The following KIF5B variants were observed in gnomAD, a reference collection of about 807,000 sequenced individuals.
KIF5B encodes the protein kinesin-1 heavy chain.
In KIF5B, 49 loss-of-function variants were observed where a neutral mutation model predicts 132.8. The observed-to-expected ratio is 0.37, with a 90% CI of 0.29 to 0.47. KIF5B has a LOEUF of 0.47. Among genes scored for constraint, KIF5B ranks in the 20% least tolerant of loss-of-function variants. The probability of loss-of-function intolerance (pLI) is 1.00; values close to 1 mark genes in which losing one functional copy is unlikely to be tolerated. For missense variants in KIF5B, 780 were observed against 1,144.0 expected (o/e 0.68, Z 4.59); for synonymous variants, 355 against 369.4 (o/e 0.96, Z 0.45).
intron 2 of KIF5B, among the ~76,000 whole-genome samples, chr10:32,046,005 C>T (rs1841603432): frequency 6.6e-6 from 1 of 152,062 alleles, no homozygotes; most frequent in Non-Finnish European, 1.5e-5. Context: ...AACTTCAAAA[C>T]CTTTGACACT....
At chr10:32,025,685 A>C (rs1028055483) in intron 15 of KIF5B, among the ~76,000 whole-genome samples, 28 of 152,214 alleles carry the variant, frequency 1.8e-4, no homozygotes, top group Admixed American at 2.6e-4. Context: ...CTACACATGA[A>C]TGTTTATAGC....
chr10:32,032,711 C>T lies in KIF5B; in HGVS notation c.1369G>A (p.Glu457Lys). The T allele has an allele frequency of 6.2e-7, 1 of 1,613,174 alleles. No homozygotes were observed. Among genetic ancestry groups the T allele is most frequent in the Non-Finnish European group, 8.5e-7 (1 of 1,179,146 alleles). ...GTAAAAGGTATTCAACTCACCTCCT[C>T]CTGATCCAACATTTGCGTCTTCAGT... The part of the protein sequence containing the change: ...EKLKTQMLDQ[E>K]ELLASTRRDQ... Residue 457 changes from glutamate (E) to lysine (K), a missense_variant, in exon 13 of 26, where the codon GAG (glutamate) becomes AAG (lysine). Around this residue, in one of 9 missense-constraint regions of KIF5B, gnomAD observed 471 missense variants for 569.9 expected, o/e 0.83. Transcript: ENST00000302418.
chr10:32,033,595 C>T (rs1841427212), intron 12 of KIF5B, among the ~76,000 whole-genome samples: 2 of 152,090 alleles, frequency 1.3e-5, no homozygotes, highest in South Asian at 4.2e-4. Flanking sequence ...GGACTGCTGC[C>T]TTATAAAGTT....
In KIF5B at chr10:32,040,368, G is replaced by A. The variant is rs1205607944; in HGVS notation, c.288+16C>T. The A allele has an allele frequency of 1.3e-6, 2 of 1,500,118 alleles. No individual in the cohort carries two copies. The highest frequency in any genetic ancestry group is 1.1e-5 in the South Asian group (1 of 88,686). 92.9% of individuals were successfully genotyped at this position (1,500,118 alleles called of 1,614,324 possible). A position where few individuals can be genotyped will look rare whatever the true frequency, so the allele number is the denominator to read the frequency against. The stretch of plus-strand genomic sequence containing the variant: ...GTATTGCAAACCACATCTAAGTACA[G>A]ATTATAAAACGTTACCTCCATTGTG... On this transcript the variant is annotated intron_variant, in intron 3 of 25. Transcript: ENST00000302418.
At chr10:32,016,441 A>G (rs1841165295) in intron 24 of KIF5B, among the ~76,000 whole-genome samples, 1 of 152,086 alleles carries the variant, frequency 6.6e-6, no homozygotes, top group South Asian at 2.1e-4. Flanking sequence ...GTGCAACAAG[A>G]GTGAAACTCC....
At position 32,022,177 on chromosome 10, in the gene KIF5B, A is replaced by G. The variant is rs1032104057; in HGVS notation, c.1995T>C (p.Asp665=). The part of the protein sequence containing the change: ...QKKRQLEESV[D]ALSEELVQLR... ...GCTGGACTAGTTCTTCACTGAGGGC[A>G]TCGACAGATTCCTCCAACTGTCTTT... Residue 665 remains aspartate, a synonymous_variant, in exon 17 of 26, where the codon GAT becomes GAC. Coordinates refer to ENST00000302418, the MANE Select transcript of KIF5B (RefSeq NM_004521.3). 2 of 1,612,240 alleles carry G rather than the reference A, an allele frequency of 1.2e-6. No homozygotes were observed. Among genetic ancestry groups the G allele is most frequent in the African/African-American group, 1.3e-5 (1 of 74,902 alleles).
Position 32,037,237 on chromosome 10 carries a change from A to T in KIF5B, c.711+17T>A. 1 of 1,602,308 alleles carries T rather than the reference A, an allele frequency of 6.2e-7. No homozygotes were observed. The highest frequency in any genetic ancestry group is 8.5e-7 in the Non-Finnish European group (1 of 1,176,480). On this transcript the variant is annotated intron_variant, in intron 8 of 25. Coordinates refer to ENST00000302418, the MANE Select transcript of KIF5B (RefSeq NM_004521.3). ...CAAAGATGCTTAAATATTTGTCAAA[A>T]TACATGAAGACTTTACCTTTTCACT...
At chr10:32,044,681 TA>T (rs879367290) in intron 2 of KIF5B, among the ~76,000 whole-genome samples, 414 of 141,612 alleles carry the variant, frequency 2.9e-3, no homozygotes, top group Admixed American at 3.0e-3. Flanking sequence ...CGTCTCAATT[TA>T]AAAAAAAAAA....
chr10:32,015,516 T>A lies in KIF5B; in HGVS notation c.*13A>T. 6.3e-7 allele frequency: 1 copy of A among 1,578,966 alleles called. No individual in the cohort carries two copies. Among genetic ancestry groups the A allele is most frequent in the East Asian group, 2.3e-5 (1 of 43,280 alleles). On this transcript the variant is annotated 3_prime_UTR_variant, in exon 25 of 26. Coordinates refer to ENST00000302418, the MANE Select transcript of KIF5B (RefSeq NM_004521.3). The stretch of plus-strand genomic sequence containing the variant: ...CAGATATAAATAACAAACCTGTGGG[T>A]ATGTATAAACGATTACACTTGTTTG...
At position 32,021,336 on chromosome 10, in the gene KIF5B, C is replaced by T. The variant is rs201941102; in HGVS notation, c.2033-49G>A. 1.7e-5 allele frequency: 23 copies of T among 1,358,716 alleles called. No individual in the cohort carries two copies. The East Asian group carries it at 4.6e-4, about 27-fold the overall frequency. The allele number at this position is 1,358,716 out of a possible 1,614,324, so 84.2% of individuals were successfully genotyped here. ...AAGAGTGAAATAAGCCTTTAAGGTT[C>T]CTCATATAAACCAAGGAGCAAATGG... On this transcript the variant is annotated intron_variant, in intron 17 of 25. Transcript: ENST00000302418.
chr10:32,036,558 T>TA (rs1841461667), intron 8 of KIF5B, among the ~76,000 whole-genome samples: 1 of 152,184 alleles, frequency 6.6e-6, no homozygotes. Context: ...TAGCTGGTAT[T>TA]ACGGGCATGT....
chr10:32,016,994 T>C (rs1841178838), intron 24 of KIF5B, 149 bp downstream of exon 24: 1 of 697,284 alleles, frequency 1.4e-6, no homozygotes, highest in Admixed American at 2.4e-5. Flanking sequence ...CTAATGTGAT[T>C]ATTCCTCTTT....
In KIF5B at chr10:32,033,168, C is replaced by A. The variant is rs1564467238; in HGVS notation, c.1306-394G>T. Among the ~76,000 whole-genome samples the A allele has an allele frequency of 1.4e-4, 21 of 152,170 alleles. No homozygotes were observed. In the South Asian group the frequency reaches 4.4e-3, roughly 32 times the overall value. On this transcript the variant is annotated intron_variant, in intron 12 of 25. Transcript: ENST00000302418. ...TATTATTTCCACTCTATTGTGTTTCCCTTAATCTCTCACATCATCTTTTAT... is the reference window on the plus strand; with the variant it reads ...TATTATTTCCACTCTATTGTGTTTCACTTAATCTCTCACATCATCTTTTAT...
In KIF5B at chr10:32,038,868, T is replaced by C. The variant is rs538138102; in HGVS notation, c.394-42A>G. 158 of 1,253,030 alleles carry C rather than the reference T, an allele frequency of 1.3e-4. 3 individuals carry two copies. In the Middle Eastern group the frequency reaches 2.8e-3, roughly 22 times the overall value. 77.6% of individuals were successfully genotyped at this position (1,253,030 alleles called of 1,614,324 possible). A position where few individuals can be genotyped will look rare whatever the true frequency, so the allele number is the denominator to read the frequency against. ...AAAAAACACCGATCAACTAAAGTTA[T>C]ATAACTTATTCGCATATTGAGGTCT... is the stretch of plus-strand genomic sequence containing the variant. On this transcript the variant is annotated intron_variant, in intron 4 of 25. Coordinates refer to ENST00000302418, the MANE Select transcript of KIF5B (RefSeq NM_004521.3).
At chr10:32,038,861 A>C in intron 4 of KIF5B, 35 bp from the exon 5 acceptor site, 1 of 1,297,472 alleles carries the variant, frequency 7.7e-7, no homozygotes, top group Non-Finnish European at 1.1e-6. Context: ...CCGATCAACT[A>C]AAGTTATATA....
intron 25 of KIF5B, among the ~76,000 whole-genome samples, chr10:32,012,016 T>C (rs543704227): frequency 6.6e-6 from 1 of 152,250 alleles, no homozygotes; most frequent in South Asian, 2.1e-4. Context: ...TCTAGTAGTA[T>C]TAAACTGCCT....
At chr10:32,049,400 A>G (rs1564471431) in intron 1 of KIF5B, among the ~76,000 whole-genome samples, 1 of 152,208 alleles carries the variant, frequency 6.6e-6, no homozygotes, top group African/African-American at 2.4e-5. Flanking sequence ...AAGAACTGAA[A>G]AATACGCAGC....
Position 32,035,770 on chromosome 10 carries a change from CATTGAATCTCA to C in KIF5B, c.816+109_817-104del. ...TAACTTACACATACTGATTCAAACA[CATTGAATCTCA>C]ATCTCTCTTTCTCTCTCTCTCTCTC... On this transcript the variant is annotated intron_variant, in intron 9 of 25. Transcript: ENST00000302418. 3 of 1,310,778 alleles carry C rather than the reference CATTGAATCTCA, an allele frequency of 2.3e-6. No homozygotes were observed. In the South Asian group the frequency reaches 4.2e-5, roughly 18 times the overall value. 81.2% of individuals were successfully genotyped at this position (1,310,778 alleles called of 1,614,324 possible).
rs1841041948 is a variant in KIF5B at position 32,009,515 on chromosome 10, A to G, written c.*2022T>C. The G allele has an allele frequency of 6.6e-6, 1 of 152,244 alleles. No homozygotes were observed. The highest frequency in any genetic ancestry group is 6.5e-5 in the Admixed American group (1 of 15,284). 9.4% of individuals were successfully genotyped at this position (152,244 alleles called of 1,614,324 possible). On this transcript the variant is annotated 3_prime_UTR_variant, in exon 26 of 26. Coordinates refer to ENST00000302418, the MANE Select transcript of KIF5B (RefSeq NM_004521.3). The stretch of plus-strand genomic sequence containing the variant: ...TTTATGAAAGTCTGAAATTATAAAT[A>G]GAAAAGAACCATCAAGATACTTTTT...
Sources: allele counts gnomAD v4.1 joint callset (sites outside exome capture counted in the v4.1 genomes callset), GRCh38; gene constraint gnomAD v4.1.1; regional missense constraint gnomAD v4.1.1; transcripts MANE v1.5; gene names NCBI Gene and HGNC (gene_info 2026-07-23, HGNC 2026-07-21).